The following NKAIN3 variants were observed in gnomAD, a reference collection of about 807,000 sequenced individuals.
NKAIN3 encodes sodium/potassium transporting ATPase interacting 3.
Under a neutral mutation model 30.2 loss-of-function variants are expected in NKAIN3, and 25 were observed. The ratio of observed to expected loss-of-function variants is 0.83; its 90% CI spans 0.60 to 1.16. NKAIN3 has a LOEUF of 1.16. NKAIN3 is among the 50% of genes most tolerant of loss of function. The probability of loss-of-function intolerance (pLI) is 0.00; values close to 1 mark genes in which losing one functional copy is unlikely to be tolerated. For synonymous variants in NKAIN3, 91 were observed against 89.6 expected (o/e 1.02, Z -0.09); for missense variants, 225 against 254.1 (o/e 0.89, Z 0.78).
At chr8:62,459,059 G>GGA (rs1554533958) in intron 1 of NKAIN3, among the ~76,000 whole-genome samples, 4 of 143,844 alleles carry the variant, frequency 2.8e-5, no homozygotes, top group African/African-American at 5.1e-5. Flanking sequence ...TGTTGTCAGA[G>GGA]AAAAAAAAAA....
chr8:62,309,963 A>C (rs1250061404), intron 1 of NKAIN3, among the ~76,000 whole-genome samples: 1 of 150,396 alleles, frequency 6.6e-6, no homozygotes, highest in African/African-American at 2.5e-5. Flanking sequence ...CCTCAACTAT[A>C]AATTAATTGC....
At chr8:62,727,100 T>C (rs1815282777) in intron 3 of NKAIN3, among the ~76,000 whole-genome samples, 1 of 151,978 alleles carries the variant, frequency 6.6e-6, no homozygotes, top group South Asian at 2.1e-4. Context: ...AGAAGAAAAA[T>C]TACATGGTCA....
At chr8:62,901,963 T>C (rs886909233) in intron 4 of NKAIN3, among the ~76,000 whole-genome samples, 5 of 152,206 alleles carry the variant, frequency 3.3e-5, no homozygotes, top group Admixed American at 2.6e-4. Flanking sequence ...CCTTATTGGC[T>C]AAGTCAGCTG....
chr8:62,764,456 G>A (rs1036593343), intron 4 of NKAIN3, among the ~76,000 whole-genome samples: 5 of 146,620 alleles, frequency 3.4e-5, no homozygotes, highest in Admixed American at 7.1e-5. Flanking sequence ...TAGAATAAAA[G>A]GTAATATACA....
At chr8:62,738,260 T>C (rs540342453) in intron 3 of NKAIN3, among the ~76,000 whole-genome samples, 6 of 152,300 alleles carry the variant, frequency 3.9e-5, no homozygotes, top group African/African-American at 1.4e-4. Context: ...ATTTCTCTAA[T>C]GACAGTGATG....
At chr8:62,623,121 T>A (rs949238671) in intron 3 of NKAIN3, among the ~76,000 whole-genome samples, 2 of 152,004 alleles carry the variant, frequency 1.3e-5, no homozygotes, top group Non-Finnish European at 2.9e-5. Flanking sequence ...ACAGTCCATT[T>A]GAATCAGTTT....
At chr8:62,964,332 A>T (rs1046430856) in intron 6 of NKAIN3, among the ~76,000 whole-genome samples, 8 of 152,206 alleles carry the variant, frequency 5.3e-5, no homozygotes, top group African/African-American at 1.9e-4. Context: ...ATGAAGTATC[A>T]TCTATGTAGT....
intron 1 of NKAIN3, among the ~76,000 whole-genome samples, chr8:62,462,898 C>G (rs1806039850): frequency 6.6e-6 from 1 of 152,118 alleles, no homozygotes; most frequent in South Asian, 2.1e-4. Flanking sequence ...AACCTTGGTG[C>G]AGTCCATTTT....
chr8:62,309,866 A>T (rs1256852447), intron 1 of NKAIN3, among the ~76,000 whole-genome samples: 1 of 150,532 alleles, frequency 6.6e-6, no homozygotes, highest in Non-Finnish European at 1.5e-5. Context: ...TGTGTAAGCA[A>T]CATACCCTGA....
chr8:62,778,168 G>A (rs1218606992), intron 4 of NKAIN3, among the ~76,000 whole-genome samples: 2 of 152,036 alleles, frequency 1.3e-5, no homozygotes, highest in Non-Finnish European at 2.9e-5. Flanking sequence ...ATACAGCACT[G>A]AGTCTCTCCC....
rs1384611565 is a variant in NKAIN3 at position 62,547,076 on chromosome 8, G to A, written c.55-32463G>A. Among the ~76,000 whole-genome samples the A allele has an allele frequency of 5.9e-5, 9 of 152,302 alleles. No homozygotes were observed. In the East Asian group the frequency reaches 1.7e-3, roughly 29 times the overall value. On this transcript the variant is annotated intron_variant, in intron 1 of 6. Transcript: ENST00000623646. ...ATGGATTGAAAGACTCACTTGAGGA[G>A]GGCAGACAAGGGTGAAGTTGTTAAT...
At chr8:62,611,569 C>T (rs1478043015) in intron 3 of NKAIN3, among the ~76,000 whole-genome samples, 2 of 151,966 alleles carry the variant, frequency 1.3e-5, no homozygotes, top group African/African-American at 4.8e-5. Context: ...GGCTTATTTC[C>T]CTTAACATGA....
chr8:62,361,440 AT>A (rs1816559207), intron 1 of NKAIN3, among the ~76,000 whole-genome samples: 1 of 152,244 alleles, frequency 6.6e-6, no homozygotes, highest in Non-Finnish European at 1.5e-5. Flanking sequence ...AATAGTAGGA[AT>A]TTTTTAAGTG....
intron 1 of NKAIN3, among the ~76,000 whole-genome samples, chr8:62,305,621 A>G (rs1326681610): frequency 6.6e-6 from 1 of 150,558 alleles, no homozygotes; most frequent in Non-Finnish European, 1.5e-5. Flanking sequence ...CATGTCCTTT[A>G]AAATATCTGT....
At chr8:62,449,119 T>C (rs1334470074) in intron 1 of NKAIN3, among the ~76,000 whole-genome samples, 1 of 152,030 alleles carries the variant, frequency 6.6e-6, no homozygotes, top group Non-Finnish European at 1.5e-5. Context: ...AATCCCTTTT[T>C]TAATGTAGTA....
At chr8:62,400,212 CT>C (rs1817893662) in intron 1 of NKAIN3, among the ~76,000 whole-genome samples, 1 of 140,860 alleles carries the variant, frequency 7.1e-6, no homozygotes, top group African/African-American at 2.6e-5. Context: ...GTCACCCAGA[CT>C]GGAGTGCAGT....
At chr8:62,271,302 C>T (rs1198483718) in intron 1 of NKAIN3, among the ~76,000 whole-genome samples, 2 of 152,140 alleles carry the variant, frequency 1.3e-5, no homozygotes, top group Non-Finnish European at 2.9e-5. Context: ...TCTGTTCTTA[C>T]TGTTGTCTTT....
intron 6 of NKAIN3, among the ~76,000 whole-genome samples, chr8:62,961,187 A>G (rs1274646614): frequency 1.3e-5 from 2 of 152,120 alleles, no homozygotes; most frequent in Non-Finnish European, 2.9e-5. Flanking sequence ...AGGCTGAGGC[A>G]GGAGAACCAC....
intron 4 of NKAIN3, among the ~76,000 whole-genome samples, chr8:62,766,662 A>C (rs1271918864): frequency 1.3e-5 from 2 of 152,172 alleles, no homozygotes; most frequent in Non-Finnish European, 2.9e-5. Flanking sequence ...CTATTGAGCA[A>C]AAAAACCTTA....
Sources: allele counts gnomAD v4.1 joint callset (sites outside exome capture counted in the v4.1 genomes callset), GRCh38; gene constraint gnomAD v4.1.1; transcripts MANE v1.5; gene names NCBI Gene and HGNC (gene_info 2026-07-23, HGNC 2026-07-21).